ARHGAP24: variants seen among roughly 807,000 people sequenced by gnomAD.
ARHGAP24 encodes the protein Rho GTPase activating protein 24.
Under a neutral mutation model 76.4 loss-of-function variants are expected in ARHGAP24, and 50 were observed. That is an observed-to-expected ratio of 0.65 (90% CI 0.52 to 0.83). The LOEUF (loss-of-function observed/expected upper bound fraction) is 0.83, where lower values mean the gene tolerates loss of function less well. ARHGAP24 is among the 40% of genes least tolerant of loss of function. The pLI, the probability that ARHGAP24 is intolerant of heterozygous loss-of-function variation, is 0.00. For synonymous variants in ARHGAP24, 345 were observed against 323.3 expected, an observed-to-expected ratio of 1.07 and a Z score of -0.72; for missense variants, 930 against 914.2, an observed-to-expected ratio of 1.02 and a Z score of -0.22.
At chr4:85,573,186 A>G (rs1027829379) in intron 2 of ARHGAP24, among the ~76,000 whole-genome samples, 12 of 152,088 alleles carry the variant, frequency 7.9e-5, no homozygotes, top group African/African-American at 2.9e-4. Context: ...CTTGGGAGAA[A>G]TAACTTTGAA....
At chr4:85,845,810 T>C (rs1289652769) in intron 3 of ARHGAP24, among the ~76,000 whole-genome samples, 2 of 152,240 alleles carry the variant, frequency 1.3e-5, no homozygotes, top group Non-Finnish European at 2.9e-5. Flanking sequence ...TAGAATGCAT[T>C]TTTTAATCTA....
At chr4:85,591,649 T>C (rs557931411) in intron 2 of ARHGAP24, among the ~76,000 whole-genome samples, 1 of 152,304 alleles carries the variant, frequency 6.6e-6, no homozygotes, top group African/African-American at 2.4e-5. Flanking sequence ...AAGTATTAGC[T>C]TGAGAAAGAT....
chr4:85,633,795 G>A (rs11943623), intron 2 of ARHGAP24, among the ~76,000 whole-genome samples: 25,994 of 151,722 alleles, frequency 0.17, 2,281 homozygotes, highest in South Asian at 0.2. Flanking sequence ...AATATTTCGG[G>A]AGCCTGATTT....
intron 3 of ARHGAP24, among the ~76,000 whole-genome samples, chr4:85,734,636 AT>A (rs34647342): frequency 0.1 from 10,278 of 101,700 alleles, 472 homozygotes; most frequent in African/African-American, 0.14. Flanking sequence ...AATTCAGGGA[AT>A]TTTTTTTTTT....
intron 2 of ARHGAP24, among the ~76,000 whole-genome samples, chr4:85,597,876 A>G (rs1719895181): frequency 6.6e-6 from 1 of 152,178 alleles, no homozygotes; most frequent in Admixed American, 6.6e-5. Context: ...AACAGATGAA[A>G]TTAAACGAGC....
At chr4:85,609,242 C>G (rs964431792) in intron 2 of ARHGAP24, among the ~76,000 whole-genome samples, 6 of 152,076 alleles carry the variant, frequency 3.9e-5, no homozygotes, top group African/African-American at 1.4e-4. Context: ...TGGGGTATTG[C>G]CATCAACTGA....
intron 5 of ARHGAP24, among the ~76,000 whole-genome samples, chr4:85,951,542 G>A (rs1737617559): frequency 6.6e-6 from 1 of 152,082 alleles, no homozygotes; most frequent in Non-Finnish European, 1.5e-5. Flanking sequence ...GAGCATCTGT[G>A]TTCTTAAATA....
chr4:85,570,400 T>A, intron 1 of ARHGAP24, 122 bp from the exon 2 acceptor site: 1 of 354,876 alleles, frequency 2.8e-6, no homozygotes, highest in East Asian at 7.3e-5. Flanking sequence ...CTTTCTTTCT[T>A]TCTTTCTTTC....
At chr4:85,801,461 C>T (rs1728574506) in intron 3 of ARHGAP24, among the ~76,000 whole-genome samples, 1 of 152,160 alleles carries the variant, frequency 6.6e-6, no homozygotes, top group Non-Finnish European at 1.5e-5. Flanking sequence ...GCTTCTCTTC[C>T]ATATGGTTGG....
chr4:85,481,249 G>C (rs1017236960), intron 1 of ARHGAP24, among the ~76,000 whole-genome samples: 2 of 152,072 alleles, frequency 1.3e-5, no homozygotes, highest in Non-Finnish European at 2.9e-5. Flanking sequence ...GGCTCAGAGA[G>C]GTAAATAAAG....
intron 2 of ARHGAP24, among the ~76,000 whole-genome samples, chr4:85,710,863 G>A (rs1159799498): frequency 1.3e-5 from 2 of 151,810 alleles, no homozygotes; most frequent in Non-Finnish European, 2.9e-5. Flanking sequence ...CTCTTGGTGG[G>A]ACAGAACTAC....
chr4:85,764,198 A>G (rs1191174538), intron 3 of ARHGAP24, among the ~76,000 whole-genome samples: 1 of 151,438 alleles, frequency 6.6e-6, no homozygotes, highest in Admixed American at 6.6e-5. Context: ...CTTTTCTCCA[A>G]TTTTTATTTT....
chr4:85,833,118 G>C (rs1314490977), intron 3 of ARHGAP24, among the ~76,000 whole-genome samples: 1 of 152,180 alleles, frequency 6.6e-6, no homozygotes, highest in Admixed American at 6.5e-5. Context: ...CTGATTTCTT[G>C]TTCTTAACTG....
At chr4:85,534,581 G>A (rs1233843532) in intron 1 of ARHGAP24, among the ~76,000 whole-genome samples, 1 of 152,174 alleles carries the variant, frequency 6.6e-6, no homozygotes, top group African/African-American at 2.4e-5. Context: ...GGAAATAAAT[G>A]TGGGTTAAAA....
chr4:85,487,856 TATATATA>T (rs1723183883), intron 1 of ARHGAP24, among the ~76,000 whole-genome samples: 7 of 123,602 alleles, frequency 5.7e-5, no homozygotes, highest in Non-Finnish European at 1.1e-4. Flanking sequence ...ATATATTTAT[TATATATA>T]TTATATAAAT....
intron 2 of ARHGAP24, among the ~76,000 whole-genome samples, chr4:85,618,203 G>A (rs1256298116): frequency 6.6e-6 from 1 of 152,018 alleles, no homozygotes; most frequent in Non-Finnish European, 1.5e-5. Context: ...CTGTGACTTC[G>A]ACTTCTTTAG....
At chr4:85,553,585 T>G (rs1281075463) in intron 1 of ARHGAP24, among the ~76,000 whole-genome samples, 1 of 152,094 alleles carries the variant, frequency 6.6e-6, no homozygotes, top group East Asian at 1.9e-4. Context: ...CACTGATTGG[T>G]GCATTTACAA....
intron 2 of ARHGAP24, among the ~76,000 whole-genome samples, chr4:85,714,143 C>T (rs1724639876): frequency 6.6e-6 from 1 of 152,048 alleles, no homozygotes; most frequent in Admixed American, 6.6e-5. Flanking sequence ...TGGCTATGCT[C>T]CCAAGAAGAA....
chr4:85,986,299 T>C (rs1318777265), intron 8 of ARHGAP24, among the ~76,000 whole-genome samples: 1 of 152,134 alleles, frequency 6.6e-6, no homozygotes, highest in African/African-American at 2.4e-5. Flanking sequence ...TTTTTCAGCA[T>C]TATTTTAAAA....
Sources: gnomAD v4.1 joint callset for allele counts (sites outside exome capture counted in the v4.1 genomes callset) on GRCh38, gnomAD v4.1.1 for gene constraint, MANE v1.5 for transcripts, NCBI Gene and HGNC (gene_info 2026-07-23, HGNC 2026-07-21) for gene names.